The following FBXO34 variants were observed in gnomAD, a reference collection of about 807,000 sequenced individuals.
The protein encoded by FBXO34 is F-box protein 34, also known as F-box only protein 34.
In FBXO34, 12 loss-of-function variants were observed where a neutral mutation model predicts 24.5. That is an observed-to-expected ratio of 0.49 (90% CI 0.31 to 0.79). The LOEUF is 0.79. Ranked by LOEUF, FBXO34 falls within the 30% of genes least tolerant of loss-of-function variation. FBXO34 has a pLI of 0.04. For missense variants in FBXO34, 823 were observed against 857.7 expected (o/e 0.96, Z 0.51); for synonymous variants, 320 against 311.9 (o/e 1.03, Z -0.27).
chr14:55,378,107 A>G, the FBXO34 span: 3 of 1,578,446 alleles, frequency 1.9e-6, no homozygotes, highest in Non-Finnish European at 2.6e-6. Context: ...ATAAAGTTGC[A>G]TTTTTTGAGG....
chr14:55,369,525 G>T, downstream of FBXO34: 1 of 1,199,252 alleles, frequency 8.3e-7, no homozygotes. Context: ...CTTTGTTCCA[G>T]ACACTATCTT....
chr14:55,285,953 A>C (rs1881747474), intron 1 of FBXO34, among the ~76,000 whole-genome samples: 1 of 152,220 alleles, frequency 6.6e-6, no homozygotes, highest in African/African-American at 2.4e-5. Flanking sequence ...TTCCCATAGA[A>C]TCAGGAATAC....
At position 55,361,039 on chromosome 14, in the gene FBXO34, T is replaced by C. The variant is rs1884587398; in HGVS notation, c.*589-694T>C. 2.0e-5 allele frequency among the ~76,000 whole-genome samples: 3 copies of C among 152,010 alleles called. No homozygotes were observed. In the South Asian group the frequency reaches 6.2e-4, roughly 32 times the overall value. On this transcript the variant is annotated intron_variant and NMD_transcript_variant, in intron 3 of 3. Transcript: ENST00000555280. ...AAAGTTGATATTTTTCCTCTTTCCA[T>C]GAATCACAAATGTTTTTAATGGCAT...
In FBXO34 at chr14:55,352,701, T is replaced by C; in HGVS notation, c.*175T>C. ...AAATTTACGAGCTGTACAAAAAAAT[T>C]GGTCTTGTTGTTTATAGTGGCATCT... On this transcript the variant is annotated 3_prime_UTR_variant, in exon 2 of 2. Coordinates refer to ENST00000313833, the MANE Select transcript of FBXO34 (RefSeq NM_017943.4). 1.6e-6 allele frequency: 1 copy of C among 620,198 alleles called. No homozygotes were observed. The highest frequency in any genetic ancestry group is 2.7e-6 in the Non-Finnish European group (1 of 371,748). 38.4% of individuals were successfully genotyped at this position (620,198 alleles called of 1,614,324 possible).
intron 1 of FBXO34, among the ~76,000 whole-genome samples, chr14:55,320,087 G>A (rs1258969397): frequency 2.6e-5 from 4 of 152,084 alleles, no homozygotes; most frequent in Non-Finnish European, 4.4e-5. Context: ...CAATTGGACC[G>A]CCTCAGGTTA....
chr14:55,384,088 C>G, the FBXO34 span, among the ~76,000 whole-genome samples: 3 of 152,192 alleles, frequency 2.0e-5, no homozygotes, highest in African/African-American at 7.2e-5. Context: ...TGCTGCGTCT[C>G]CCTTCTCCCA....
chr14:55,439,503 C>CG, the FBXO34 span, among the ~76,000 whole-genome samples: 77,572 of 149,388 alleles, frequency 0.52, 20,303 homozygotes, highest in East Asian at 0.65. Context: ...TAGAACCAGG[C>CG]GGGGGGCCAG....
chr14:55,415,146 G>A, the FBXO34 span, among the ~76,000 whole-genome samples: 343 of 152,298 alleles, frequency 2.3e-3, 2 homozygotes, highest in African/African-American at 7.5e-3. Flanking sequence ...ATGCAGGCAC[G>A]TTGTGCTAAG....
chr14:55,430,003 C>A, the FBXO34 span, among the ~76,000 whole-genome samples: 1 of 152,044 alleles, frequency 6.6e-6, no homozygotes, highest in South Asian at 2.1e-4. Flanking sequence ...AAACTCAACA[C>A]AAGAAGGACA....
intron 1 of FBXO34, among the ~76,000 whole-genome samples, chr14:55,284,025 G>C (rs1179902173): frequency 6.6e-6 from 1 of 151,088 alleles, no homozygotes; most frequent in Non-Finnish European, 1.5e-5. Context: ...TAGAGGTAGG[G>C]TCTCATTCTT....
chr14:55,349,084 C>A (rs1475325313), intron 1 of FBXO34, among the ~76,000 whole-genome samples: 3 of 151,844 alleles, frequency 2.0e-5, no homozygotes, highest in African/African-American at 7.3e-5. Flanking sequence ...TGCAGGAGTC[C>A]AGCCATCCCT....
At chr14:55,371,375 ACCTGTGCTTC>A (rs566294400), downstream of FBXO34, among the ~76,000 whole-genome samples, 1 of 152,128 alleles carries the variant, frequency 6.6e-6, no homozygotes, top group South Asian at 2.1e-4. Context: ...CCTCCCAGAC[ACCTGTGCTTC>A]CCAGATGGAT....
chr14:55,421,974 A>G, the FBXO34 span, among the ~76,000 whole-genome samples: 1 of 152,222 alleles, frequency 6.6e-6, no homozygotes, highest in Non-Finnish European at 1.5e-5. Flanking sequence ...AGGAATATAC[A>G]TTTAAGAGAG....
the FBXO34 span, chr14:55,440,631 G>C: frequency 7.1e-7 from 1 of 1,408,064 alleles, no homozygotes; most frequent in Non-Finnish European, 9.4e-7. Context: ...CGATGGGCTT[G>C]GAGCGGGATG....
chr14:55,391,155 A>G, the FBXO34 span: 1 of 544,566 alleles, frequency 1.8e-6, no homozygotes, highest in Non-Finnish European at 3.2e-6. Flanking sequence ...GAAAAAGAGA[A>G]CGATGTTTTT....
the FBXO34 span, among the ~76,000 whole-genome samples, chr14:55,434,407 G>C: frequency 6.6e-6 from 1 of 152,246 alleles, no homozygotes; most frequent in East Asian, 1.9e-4. Flanking sequence ...CTCCTACACA[G>C]ATAGTCTCTT....
chr14:55,334,147 G>A (rs1330360610), intron 1 of FBXO34, among the ~76,000 whole-genome samples: 1 of 152,192 alleles, frequency 6.6e-6, no homozygotes, highest in Non-Finnish European at 1.5e-5. Flanking sequence ...CAGTAACCAA[G>A]ATGAAGAGTG....
the FBXO34 span, among the ~76,000 whole-genome samples, chr14:55,407,037 T>C: frequency 2.0e-5 from 3 of 151,790 alleles, no homozygotes; most frequent in African/African-American, 7.3e-5. Flanking sequence ...TCTCAGCTCA[T>C]GGCAGCCTCT....
the FBXO34 span, among the ~76,000 whole-genome samples, chr14:55,418,690 C>A: frequency 1.3e-5 from 2 of 152,160 alleles, no homozygotes; most frequent in African/African-American, 4.8e-5. Context: ...AACAATGACA[C>A]AACTTCTTAG....
Sources: allele counts gnomAD v4.1 joint callset (sites outside exome capture counted in the v4.1 genomes callset), GRCh38; gene constraint gnomAD v4.1.1; transcripts MANE v1.5; gene names NCBI Gene and HGNC (gene_info 2026-07-23, HGNC 2026-07-21).